Variants in PTK2B observed in about 807,000 individuals in gnomAD.
The protein encoded by PTK2B is protein-tyrosine kinase 2-beta.
Under a neutral mutation model 142.9 loss-of-function variants are expected in PTK2B, and 71 were observed. The ratio of observed to expected loss-of-function variants is 0.50; its 90% confidence interval spans 0.41 to 0.61. The LOEUF is 0.61. Among genes scored for constraint, PTK2B ranks in the 20% least tolerant of loss-of-function variants. The pLI, the probability that PTK2B is intolerant of heterozygous loss-of-function variation, is 0.00. For synonymous variants in PTK2B, 519 were observed against 503.4 expected (o/e 1.03, Z -0.42); for missense variants, 1,105 against 1,320.4 (o/e 0.84, Z 2.53).
intron 1 of PTK2B, among the ~76,000 whole-genome samples, chr8:27,346,970 C>G (rs1804748547): frequency 1.3e-5 from 2 of 152,234 alleles, no homozygotes; most frequent in Non-Finnish European, 2.9e-5. Flanking sequence ...ATCCCCTGAT[C>G]TAGGCTTAAC....
intron 24 of PTK2B, among the ~76,000 whole-genome samples, chr8:27,447,997 C>A (rs1811573663): frequency 6.6e-6 from 1 of 152,266 alleles, no homozygotes. Flanking sequence ...AAGGATCAGA[C>A]CAGGTGCACA....
chr8:27,310,828 C>T (rs748154014), upstream of PTK2B: 1 of 1,606,146 alleles, frequency 6.2e-7, no homozygotes, highest in East Asian at 2.2e-5. Flanking sequence ...TGTCCTTCAC[C>T]GGCTGCACGC....
At chr8:27,348,540 C>T (rs924382057) in intron 1 of PTK2B, among the ~76,000 whole-genome samples, 1 of 152,154 alleles carries the variant, frequency 6.6e-6, no homozygotes, top group Non-Finnish European at 1.5e-5. Flanking sequence ...TGCGATCGCA[C>T]CTCCCAGCAC....
intron 1 of PTK2B, among the ~76,000 whole-genome samples, chr8:27,395,842 G>A (rs546051687): frequency 2.6e-5 from 4 of 152,190 alleles, no homozygotes; most frequent in East Asian, 1.9e-4. Flanking sequence ...CCTCTCAAAC[G>A]ACTTCCCCCT....
intron 1 of PTK2B, among the ~76,000 whole-genome samples, chr8:27,352,193 T>C (rs1805136626): frequency 6.6e-6 from 1 of 152,186 alleles, no homozygotes; most frequent in Non-Finnish European, 1.5e-5. Flanking sequence ...TTCTCACCAA[T>C]TCATAAGGCT....
chr8:27,404,316 G>T (rs982171221), intron 2 of PTK2B, among the ~76,000 whole-genome samples: 1 of 152,202 alleles, frequency 6.6e-6, no homozygotes, highest in African/African-American at 2.4e-5. Context: ...CAGAAGCAGA[G>T]ATATTCATCT....
chr8:27,436,071 C>T (rs1057428526), intron 14 of PTK2B, among the ~76,000 whole-genome samples, 180 bp from the exon 15 acceptor site: 1 of 152,130 alleles, frequency 6.6e-6, no homozygotes. Flanking sequence ...GGTGATGGCT[C>T]TTCCCTGGGT....
intron 1 of PTK2B, among the ~76,000 whole-genome samples, chr8:27,395,454 C>T (rs1043229218): frequency 3.3e-5 from 5 of 152,116 alleles, no homozygotes; most frequent in African/African-American, 1.2e-4. Context: ...AGTGTGTGCT[C>T]TTTAGGGAAA....
intron 1 of PTK2B, among the ~76,000 whole-genome samples, chr8:27,375,548 A>AC (rs1806614334): frequency 6.6e-6 from 1 of 152,170 alleles, no homozygotes; most frequent in African/African-American, 2.4e-5. Flanking sequence ...TCCCTCGAGG[A>AC]ACATCCAGGT....
chr8:27,454,035 A>G, intron 28 of PTK2B, 119 bp from the exon 29 acceptor site: 1 of 1,380,570 alleles, frequency 7.2e-7, no homozygotes, highest in South Asian at 1.2e-5. Flanking sequence ...TATTCTAAAG[A>G]AGAGTCCTTT....
chr8:27,431,484 C>T lies in PTK2B; in HGVS notation c.885+12C>T, dbSNP rs200722309. ...GTCAGGACGCAAAGGTAGAGAGACCCGGGGCAGCCCCACCCAGCCCCAGGC... is the reference window on the plus strand; with the variant it reads ...GTCAGGACGCAAAGGTAGAGAGACCTGGGGCAGCCCCACCCAGCCCCAGGC... On this transcript the variant is annotated intron_variant, in intron 9 of 30. Transcript: ENST00000346049. The T allele has an allele frequency of 1.9e-5, 31 of 1,613,728 alleles. No homozygotes were observed. The African/African-American group carries it at 2.8e-4, about 15-fold the overall frequency.
intron 1 of PTK2B, among the ~76,000 whole-genome samples, chr8:27,372,646 G>C (rs1806430467): frequency 6.6e-6 from 1 of 152,176 alleles, no homozygotes; most frequent in Non-Finnish European, 1.5e-5. Context: ...GCCCAGTCAA[G>C]TTGATACAGA....
chr8:27,353,095 G>A (rs904825491), intron 1 of PTK2B, among the ~76,000 whole-genome samples: 4 of 152,272 alleles, frequency 2.6e-5, no homozygotes, highest in Non-Finnish European at 2.9e-5. Context: ...ACATTTTCAC[G>A]GGACTGCTCA....
intron 27 of PTK2B, 174 bp from the exon 28 acceptor site, chr8:27,452,940 C>A (rs1811908850): frequency 2.8e-6 from 2 of 717,540 alleles, no homozygotes; most frequent in South Asian, 1.9e-5. Context: ...CTGACTACTG[C>A]AAAACCAGGG....
intron 1 of PTK2B, among the ~76,000 whole-genome samples, chr8:27,352,836 G>A (rs1805176776): frequency 6.6e-6 from 1 of 152,168 alleles, no homozygotes; most frequent in Non-Finnish European, 1.5e-5. Context: ...TAGCCATGTG[G>A]AACTGTAAGT....
At chr8:27,374,307 G>T (rs917275787) in intron 1 of PTK2B, among the ~76,000 whole-genome samples, 1 of 152,142 alleles carries the variant, frequency 6.6e-6, no homozygotes, top group African/African-American at 2.4e-5. Context: ...GAGGATACTT[G>T]GGATCTGTTT....
At chr8:27,387,015 A>G (rs148625253) in intron 1 of PTK2B, among the ~76,000 whole-genome samples, 2 of 152,180 alleles carry the variant, frequency 1.3e-5, no homozygotes, top group African/African-American at 2.4e-5. Context: ...CCATACATGT[A>G]TGAGGAATTT....
chr8:27,417,396 G>C (rs79366894), intron 2 of PTK2B, among the ~76,000 whole-genome samples: 3,807 of 152,234 alleles, frequency 0.025, 171 homozygotes, highest in African/African-American at 0.087. Flanking sequence ...AATTGAAAGT[G>C]GTGGGGGTAG....
rs750770394 is a variant in PTK2B, at chr8:27,451,522, G to T, written c.2548+13G>T. The T allele has an allele frequency of 1.9e-6, 3 of 1,614,068 alleles. No individual in the cohort carries two copies. Among genetic ancestry groups the T allele is most frequent in the Non-Finnish European group, 1.7e-6 (2 of 1,179,994 alleles). ...GAGGTCGGCTACCGTGAGTGTTCCCGCCCTTCTTCGGGGGGTTTCCTCTTG... is the reference window on the plus strand; with the variant it reads ...GAGGTCGGCTACCGTGAGTGTTCCCTCCCTTCTTCGGGGGGTTTCCTCTTG... On this transcript the variant is annotated intron_variant, in intron 27 of 30. Transcript: ENST00000346049.
Sources: gnomAD v4.1 joint callset for allele counts (sites outside exome capture counted in the v4.1 genomes callset) on GRCh38, gnomAD v4.1.1 for gene constraint, MANE v1.5 for transcripts, NCBI Gene and HGNC (gene_info 2026-07-23, HGNC 2026-07-21) for gene names.